Variants in HSPA14 observed in about 807,000 individuals in gnomAD.
The protein encoded by HSPA14 is heat shock 70 kDa protein 14.
HSPA14 carries 37 observed loss-of-function variants against 65.5 expected under a neutral mutation model. That is an observed-to-expected ratio of 0.56 (90% CI 0.43 to 0.74). The LOEUF is 0.74. Among genes scored for constraint, HSPA14 ranks in the 30% least tolerant of loss-of-function variants. The probability of loss-of-function intolerance (pLI) is 0.00; values close to 1 mark genes in which losing one functional copy is unlikely to be tolerated. For missense variants in HSPA14, 564 were observed against 607.6 expected, an observed-to-expected ratio of 0.93 and a Z score of 0.75; for synonymous variants, 203 against 214.2, an observed-to-expected ratio of 0.95 and a Z score of 0.46.
chr10:14,849,034 C>T lies in HSPA14; in HGVS notation c.376+139C>T, dbSNP rs1431549983. 1.5e-5 allele frequency: 8 copies of T among 545,348 alleles called. No homozygotes were observed. The Admixed American group carries it at 2.7e-4, about 19-fold the overall frequency. The allele number at this position is 545,348 out of a possible 1,614,324, so 33.8% of individuals were successfully genotyped here. On this transcript the variant is annotated intron_variant, in intron 5 of 13. Coordinates refer to ENST00000378372, the MANE Select transcript of HSPA14 (RefSeq NM_016299.4). ...TAAGTAAGGACATATAAACTGTCGA[C>T]CTGGTTGGGGCACTAACTGGGTATG...
chr10:14,859,581 C>G (rs1353263926), intron 10 of HSPA14, among the ~76,000 whole-genome samples: 1 of 152,138 alleles, frequency 6.6e-6, no homozygotes, highest in Non-Finnish European at 1.5e-5. Flanking sequence ...TAGCCAAGTT[C>G]CTGGGTTCTG....
Position 14,870,637 on chromosome 10 carries a change from G to A in HSPA14, c.1421G>A (p.Arg474His), listed in dbSNP as rs1386071128. 23 of 1,581,674 alleles carry A rather than the reference G, an allele frequency of 1.5e-5. No individual in the cohort carries two copies. The highest frequency in any genetic ancestry group is 4.5e-5 in the East Asian group (2 of 43,980). The change falls in exon 13 of 14, where the codon CGT (arginine) becomes CAT (histidine). Residue 474 changes from arginine to histidine, a missense_variant. Physicochemically the swap from Arg to His is conservative, Grantham distance 29. Coordinates refer to ENST00000378372, the MANE Select transcript of HSPA14 (RefSeq NM_016299.4). ...TTAGATAAAAAAGAAAATGGATTAC[G>A]TGATATATTAGCTGTTCTTACTATG... ...QDLDKKENGL[R>H]DILAVLTMKR...
At chr10:14,868,498 C>G (rs1203421080) in intron 12 of HSPA14, among the ~76,000 whole-genome samples, 1 of 150,798 alleles carries the variant, frequency 6.6e-6, no homozygotes, top group Non-Finnish European at 1.5e-5. Flanking sequence ...AATGCAGTTG[C>G]ATTCACACAC....
At chr10:14,861,437 C>T (rs1832749565) in intron 10 of HSPA14, among the ~76,000 whole-genome samples, 1 of 152,058 alleles carries the variant, frequency 6.6e-6, no homozygotes, top group Non-Finnish European at 1.5e-5. Context: ...GCGACCCTCC[C>T]GCCTCAGCCT....
intron 9 of HSPA14, 105 bp from the exon 10 acceptor site, chr10:14,855,736 C>G: frequency 1.6e-6 from 1 of 611,858 alleles, no homozygotes; most frequent in Admixed American, 3.2e-5. Context: ...CATTACTCTT[C>G]ACAAGAAAAA....
chr10:14,855,298 C>T (rs191284221), intron 9 of HSPA14, among the ~76,000 whole-genome samples: 270 of 152,252 alleles, frequency 1.8e-3, no homozygotes, highest in Non-Finnish European at 3.2e-3. Context: ...TTAGGGAGTA[C>T]ATTTTTCATG....
At chr10:14,870,416 T>G (rs998236757) in intron 12 of HSPA14, among the ~76,000 whole-genome samples, 181 bp from the exon 13 acceptor site, 1 of 152,186 alleles carries the variant, frequency 6.6e-6, no homozygotes. Flanking sequence ...ACATTTCAAG[T>G]TAACAAAGCT....
At chr10:14,857,049 A>G (rs1223864417) in intron 10 of HSPA14, among the ~76,000 whole-genome samples, 1 of 152,102 alleles carries the variant, frequency 6.6e-6, no homozygotes, top group Non-Finnish European at 1.5e-5. Flanking sequence ...TTCTGTATGT[A>G]CAGTTTTGAA....
chr10:14,842,636 G>A lies in HSPA14; in HGVS notation c.221+2479G>A, dbSNP rs1355272666. On this transcript the variant is annotated intron_variant, in intron 3 of 13. Coordinates refer to ENST00000378372, the MANE Select transcript of HSPA14 (RefSeq NM_016299.4). The surrounding 1 kb of genome is among the most constrained non-coding windows in gnomAD (Gnocchi z 5.2). ...CAACTTAATGGAGGATGCTGCTTGG[G>A]CCAAGCACTGTGATCAGAACTTAGT... 6 of 1,536,168 alleles carry A rather than the reference G, an allele frequency of 3.9e-6. No homozygotes were observed. The highest frequency in any genetic ancestry group is 5.2e-6 in the Non-Finnish European group (6 of 1,146,932).
At chr10:14,859,145 G>A (rs1028711584) in intron 10 of HSPA14, among the ~76,000 whole-genome samples, 8 of 152,080 alleles carry the variant, frequency 5.3e-5, no homozygotes, top group Non-Finnish European at 1.0e-4. Flanking sequence ...ACCCTGGTTC[G>A]TGCTGTATCT....
chr10:14,848,653 G>T lies in HSPA14; in HGVS notation c.266G>T (p.Cys89Phe), dbSNP rs1415719311. Reference protein sequence around the residue: ...QAQKYIAESKCLVIEKNGKLR... With the variant: ...QAQKYIAESKFLVIEKNGKLR... Reference sequence around the variant, plus strand: ...CAGAAATACATCGCGGAAAGTAAATGTTTAGTGAGTATGGTTCTGTTATTG... The same window carrying T: ...CAGAAATACATCGCGGAAAGTAAATTTTTAGTGAGTATGGTTCTGTTATTG... The change falls in exon 4 of 14, where the codon TGT becomes TTT. Residue 89 changes from cysteine to phenylalanine, a missense_variant. By Grantham distance (205) the Cys-to-Phe change is radical. Coordinates refer to ENST00000378372, the MANE Select transcript of HSPA14 (RefSeq NM_016299.4). 1.2e-6 allele frequency: 2 copies of T among 1,609,672 alleles called. No individual in the cohort carries two copies. The highest frequency in any genetic ancestry group is 3.3e-5 in the Admixed American group (2 of 59,918).
At chr10:14,867,350 C>T (rs1832816146) in intron 11 of HSPA14, 55 bp downstream of exon 11, 2 of 1,226,032 alleles carry the variant, frequency 1.6e-6, no homozygotes, top group Non-Finnish European at 2.4e-6. Flanking sequence ...CTATACTTTA[C>T]ATAAAAATAG....
chr10:14,867,820 C>G lies in HSPA14; in HGVS notation c.1291C>G (p.Gln431Glu). ...PLPARRQHTL[Q>E]APGSISSVCL... ...GCCAGCTCGAAGACAACACACATTG[C>G]AAGCCCCTGGAAGCATATCTTCAGT... is the stretch of plus-strand genomic sequence containing the variant. The change falls in exon 12 of 14, where the codon CAA becomes GAA. Residue 431 changes from glutamine to glutamate, a missense_variant. Gln to Glu is a conservative substitution (Grantham distance 29). Coordinates refer to ENST00000378372, the MANE Select transcript of HSPA14 (RefSeq NM_016299.4). The G allele has an allele frequency of 1.2e-6, 2 of 1,614,074 alleles. No individual in the cohort carries two copies. The highest frequency in any genetic ancestry group is 2.2e-5 in the South Asian group (2 of 91,076).
rs2131635513 is a variant in HSPA14 at position 14,842,509 on chromosome 10, G to A, written c.221+2352G>A. 1.1e-5 allele frequency: 17 copies of A among 1,536,136 alleles called. No individual in the cohort carries two copies. The highest frequency in any genetic ancestry group is 1.5e-5 in the Non-Finnish European group (17 of 1,146,936). ...AAGTTCTGAAGGCATTATATTTAAAGGCCTATGTTGCCCATGCCACAAGTA... is the reference window on the plus strand; with the variant it reads ...AAGTTCTGAAGGCATTATATTTAAAAGCCTATGTTGCCCATGCCACAAGTA... On this transcript the variant is annotated intron_variant, in intron 3 of 13. Transcript: ENST00000378372. This position sits in a 1 kb window ranked among gnomAD's most constrained non-coding sequence, Gnocchi z 5.2.
chr10:14,862,842 C>T (rs1832767513), intron 10 of HSPA14, among the ~76,000 whole-genome samples: 1 of 151,942 alleles, frequency 6.6e-6, no homozygotes, highest in Non-Finnish European at 1.5e-5. Context: ...ACCACACCCA[C>T]CTGGATAATT....
chr10:14,856,712 A>G (rs1032004867), intron 10 of HSPA14, among the ~76,000 whole-genome samples: 7 of 152,010 alleles, frequency 4.6e-5, no homozygotes, highest in African/African-American at 1.7e-4. Flanking sequence ...AAACAAAATT[A>G]GCGGGGTGTG....
At chr10:14,871,373 G>C (rs975259252) in intron 13 of HSPA14, among the ~76,000 whole-genome samples, 155 bp from the exon 14 acceptor site, 4 of 152,182 alleles carry the variant, frequency 2.6e-5, no homozygotes, top group African/African-American at 9.6e-5. Context: ...TAAATTTAGA[G>C]ACACTGAGAT....
In HSPA14 at chr10:14,867,740, T is replaced by C; in HGVS notation, c.1211T>C (p.Val404Ala). The C allele has an allele frequency of 6.2e-7, 1 of 1,613,126 alleles. No homozygotes were observed. ...CSARDILVKG[V>A]DESGASRFTV... ...ACCTTGTTTCCTGCTAACTAGGGTG[T>C]GGACGAATCAGGAGCCAGTAGATTC... The change falls in exon 12 of 14, where the codon GTG (valine) becomes GCG (alanine). Residue 404 changes from valine to alanine, a missense_variant. By Grantham distance (64) the Val-to-Ala change is moderately conservative (BLOSUM62 0). Coordinates refer to ENST00000378372, the MANE Select transcript of HSPA14 (RefSeq NM_016299.4).
chr10:14,871,614 G>C lies in HSPA14; in HGVS notation c.*8G>C. 6.8e-7 allele frequency: 1 copy of C among 1,471,068 alleles called. No individual in the cohort carries two copies. The highest frequency in any genetic ancestry group is 9.3e-7 in the Non-Finnish European group (1 of 1,071,228). The allele number at this position is 1,471,068 out of a possible 1,614,324, so 91.1% of individuals were successfully genotyped here. A position where few individuals can be genotyped will look rare whatever the true frequency, so the allele number is the denominator to read the frequency against. ...ATTGAGATAGCATCTTAGTGTTTTAGAGAAATCAAGAATTTTTAAAAACAA... is the reference window on the plus strand; with the variant it reads ...ATTGAGATAGCATCTTAGTGTTTTACAGAAATCAAGAATTTTTAAAAACAA... On this transcript the variant is annotated 3_prime_UTR_variant, in exon 14 of 14. Coordinates refer to ENST00000378372, the MANE Select transcript of HSPA14 (RefSeq NM_016299.4).
Sources: allele counts gnomAD v4.1 joint callset (sites outside exome capture counted in the v4.1 genomes callset), GRCh38; gene constraint gnomAD v4.1.1; non-coding constraint Gnocchi (gnomAD v3.1); transcripts MANE v1.5; gene names NCBI Gene and HGNC (gene_info 2026-07-23, HGNC 2026-07-21).